The following UNC5C variants were observed in gnomAD, a reference collection of about 807,000 sequenced individuals.
The protein encoded by UNC5C is netrin receptor UNC5C.
A neutral mutation model predicts 99.8 loss-of-function variants in UNC5C; 47 were observed. That is an observed-to-expected ratio of 0.47 (90% confidence interval 0.37 to 0.60). The LOEUF is 0.60. Ranked by LOEUF, UNC5C falls within the 20% of genes least tolerant of loss-of-function variation. The pLI, the probability that UNC5C is intolerant of heterozygous loss-of-function variation, is 0.00. For synonymous variants in UNC5C, 487 were observed against 452.2 expected, an observed-to-expected ratio of 1.08 and a Z score of -0.98; for missense variants, 1,062 against 1,165.9, an observed-to-expected ratio of 0.91 and a Z score of 1.30.
intron 4 of UNC5C, among the ~76,000 whole-genome samples, chr4:95,260,251 C>T (rs1579275986): frequency 6.6e-6 from 1 of 152,130 alleles, no homozygotes; most frequent in East Asian, 1.9e-4. Flanking sequence ...AAAAAAACCC[C>T]AAAGTAGTCC....
chr4:95,387,333 C>A (rs1336074996), intron 1 of UNC5C, among the ~76,000 whole-genome samples: 1 of 152,008 alleles, frequency 6.6e-6, no homozygotes, highest in Non-Finnish European at 1.5e-5. Context: ...GAGATGGGGG[C>A]CTCACTATGT....
At chr4:95,299,188 G>A (rs997152666) in intron 3 of UNC5C, among the ~76,000 whole-genome samples, 8 of 152,080 alleles carry the variant, frequency 5.3e-5, no homozygotes, top group African/African-American at 1.4e-4. Flanking sequence ...CAATCTGACT[G>A]GTGTCCTTAT....
chr4:95,381,136 A>G (rs542067007), intron 1 of UNC5C, among the ~76,000 whole-genome samples: 1 of 152,330 alleles, frequency 6.6e-6, no homozygotes, highest in Non-Finnish European at 1.5e-5. Flanking sequence ...ACTTAAAAAA[A>G]GTTTATTGCA....
chr4:95,173,359 A>G (rs943695943), intron 14 of UNC5C, among the ~76,000 whole-genome samples: 4 of 142,558 alleles, frequency 2.8e-5, no homozygotes, highest in African/African-American at 5.2e-5. Flanking sequence ...CCCATTCAGT[A>G]TGATATTGGC....
At chr4:95,421,247 A>G (rs1181447090) in intron 1 of UNC5C, among the ~76,000 whole-genome samples, 1 of 152,202 alleles carries the variant, frequency 6.6e-6, no homozygotes, top group Non-Finnish European at 1.5e-5. Flanking sequence ...TCTTTACTAT[A>G]GAATAGCTGT....
intron 4 of UNC5C, among the ~76,000 whole-genome samples, chr4:95,258,796 C>T (rs1449484492): frequency 7.9e-6 from 1 of 127,268 alleles, no homozygotes; most frequent in Non-Finnish European, 1.7e-5. Context: ...GCTCTGTCGC[C>T]CAGGCCGGAC....
intron 1 of UNC5C, among the ~76,000 whole-genome samples, chr4:95,395,855 G>A (rs1369759735): frequency 6.6e-6 from 1 of 152,172 alleles, no homozygotes; most frequent in South Asian, 2.1e-4. Flanking sequence ...CAAGCATGGG[G>A]CCCTTCTAAG....
chr4:95,175,738 T>C (rs1361600817), intron 14 of UNC5C, among the ~76,000 whole-genome samples: 2 of 152,050 alleles, frequency 1.3e-5, no homozygotes, highest in Non-Finnish European at 2.9e-5. Context: ...TTTCTCTTCT[T>C]GAGGAGTATC....
At chr4:95,202,682 T>A (rs928764909) in intron 12 of UNC5C, 49 bp downstream of exon 12, 11 of 1,573,632 alleles carry the variant, frequency 7.0e-6, no homozygotes, top group African/African-American at 2.7e-5. Context: ...TGCAAAACCT[T>A]GGCTTCCAGG....
Position 95,335,469 on chromosome 4 carries a change from T to C in UNC5C, c.287A>G (p.Asn96Ser), listed in dbSNP as rs1743298748. The C allele has an allele frequency of 1.9e-6, 3 of 1,612,452 alleles. No individual in the cohort carries two copies. Among genetic ancestry groups the C allele is most frequent in the Non-Finnish European group, 2.5e-6 (3 of 1,178,904 alleles). ...GTCCTTCTGATGAACCCATTCACTA[T>C]TACACTTGAAATAGATCTGGGTGGC... Reference protein sequence around the residue: ...SPATQIYFKCNSEWVHQKDHI... With the variant: ...SPATQIYFKCSSEWVHQKDHI... The change falls in exon 2 of 16, where the codon AAT (asparagine) becomes AGT (serine). Residue 96 changes from asparagine to serine, a missense_variant. Physicochemically the swap from Asn to Ser is conservative, Grantham distance 46 (BLOSUM62 1). Coordinates refer to ENST00000453304, the MANE Select transcript of UNC5C (RefSeq NM_003728.4).
chr4:95,200,140 C>A (rs1360105392), intron 12 of UNC5C, among the ~76,000 whole-genome samples: 1 of 152,200 alleles, frequency 6.6e-6, no homozygotes, highest in Non-Finnish European at 1.5e-5. Flanking sequence ...TCCCCTGGAG[C>A]CTGCTTCCCA....
At chr4:95,465,678 C>A (rs1314932927) in intron 1 of UNC5C, among the ~76,000 whole-genome samples, 1 of 152,040 alleles carries the variant, frequency 6.6e-6, no homozygotes, top group African/African-American at 2.4e-5. Context: ...ATTTTAGGAT[C>A]TACAGCAATT....
intron 14 of UNC5C, among the ~76,000 whole-genome samples, chr4:95,178,144 G>C (rs573768997): frequency 6.6e-6 from 1 of 152,198 alleles, no homozygotes; most frequent in African/African-American, 2.4e-5. Context: ...CTAATCTCAG[G>C]TTGCCCCGTC....
intron 9 of UNC5C, among the ~76,000 whole-genome samples, chr4:95,218,743 T>A (rs1738350376): frequency 6.6e-6 from 1 of 152,124 alleles, no homozygotes; most frequent in South Asian, 2.1e-4. Flanking sequence ...AAGTTGTGAG[T>A]ATAGAATTTC....
intron 12 of UNC5C, among the ~76,000 whole-genome samples, chr4:95,197,482 A>G (rs1380086079): frequency 6.6e-6 from 1 of 152,164 alleles, no homozygotes; most frequent in African/African-American, 2.4e-5. Flanking sequence ...CAAACAAGGA[A>G]GCAGAGATCC....
intron 1 of UNC5C, among the ~76,000 whole-genome samples, chr4:95,503,706 T>C (rs1721837878): frequency 6.6e-6 from 1 of 152,186 alleles, no homozygotes; most frequent in African/African-American, 2.4e-5. Flanking sequence ...CTTTTTATTA[T>C]ATTTCTGTCC....
intron 1 of UNC5C, among the ~76,000 whole-genome samples, chr4:95,535,257 G>A (rs1722744299): frequency 6.6e-6 from 1 of 150,608 alleles, no homozygotes; most frequent in Admixed American, 6.6e-5. Flanking sequence ...AAAATAATGT[G>A]ATTTTAAAAC....
chr4:95,256,654 AC>A (rs2149384532), intron 4 of UNC5C, among the ~76,000 whole-genome samples: 1 of 150,488 alleles, frequency 6.6e-6, no homozygotes, highest in Non-Finnish European at 1.5e-5. Flanking sequence ...GTCAGAGCAT[AC>A]TATATGTATG....
At chr4:95,368,805 A>G (rs2149437872) in intron 1 of UNC5C, among the ~76,000 whole-genome samples, 1 of 152,314 alleles carries the variant, frequency 6.6e-6, no homozygotes, top group South Asian at 2.1e-4. Flanking sequence ...TGTCCAAAAT[A>G]TTGTTATTGC....
Sources: allele counts gnomAD v4.1 joint callset (sites outside exome capture counted in the v4.1 genomes callset), GRCh38; gene constraint gnomAD v4.1.1; transcripts MANE v1.5; gene names NCBI Gene and HGNC (gene_info 2026-07-23, HGNC 2026-07-21).